Variants in ADARB2 observed in about 807,000 individuals in gnomAD.
ADARB2 encodes the protein adenosine deaminase RNA specific B2 (inactive), also known as inactive double-stranded RNA-specific editase B2.
In ADARB2, 25 loss-of-function variants were observed where a neutral mutation model predicts 62.2. The ratio of observed to expected loss-of-function variants is 0.40; its 90% CI spans 0.29 to 0.56. ADARB2 has a LOEUF of 0.56. Among genes scored for constraint, ADARB2 ranks in the 20% least tolerant of loss-of-function variants. The pLI is 0.43. For missense variants in ADARB2, 1,071 were observed against 1,077.4 expected, an observed-to-expected ratio of 0.99 and a Z score of 0.08; for synonymous variants, 572 against 500.8, an observed-to-expected ratio of 1.14 and a Z score of -1.90.
At chr10:1,695,726 G>C (rs1026354310) in intron 1 of ADARB2, among the ~76,000 whole-genome samples, 2 of 152,168 alleles carry the variant, frequency 1.3e-5, no homozygotes, top group African/African-American at 2.4e-5. Flanking sequence ...ATGTATGTGA[G>C]ACCATGCATG....
At position 1,284,514 on chromosome 10, in the gene ADARB2, C is replaced by T. The variant is rs954545160; in HGVS notation, c.1078-13445G>A. 5.9e-5 allele frequency among the ~76,000 whole-genome samples: 9 copies of T among 152,332 alleles called. No homozygotes were observed. The South Asian group carries it at 8.3e-4, about 14-fold the overall frequency. ...ACAGCACGGGTAGCACCCTGCGAGG[C>T]TCTCGATTGAGATCCCTGCTGGGAA... On this transcript the variant is annotated intron_variant, in intron 3 of 9. Transcript: ENST00000381312.
chr10:1,393,784 G>A (rs1832589609), intron 1 of ADARB2, among the ~76,000 whole-genome samples: 1 of 152,170 alleles, frequency 6.6e-6, no homozygotes, highest in African/African-American at 2.4e-5. Context: ...ACAGATACAG[G>A]TGGTCCTTCA....
intron 1 of ADARB2, among the ~76,000 whole-genome samples, chr10:1,606,074 A>C (rs1441554700): frequency 1.3e-5 from 2 of 152,170 alleles, no homozygotes; most frequent in Admixed American, 6.5e-5. Context: ...TTCACGTGAA[A>C]ATTACACGCA....
chr10:1,613,864 GAAATT>G (rs1389706983), intron 1 of ADARB2, among the ~76,000 whole-genome samples: 8 of 152,204 alleles, frequency 5.3e-5, no homozygotes, highest in Non-Finnish European at 1.0e-4. Context: ...GAAGCACGGG[GAAATT>G]CAAGGAGTTT....
At chr10:1,612,948 G>A (rs1026583034) in intron 1 of ADARB2, among the ~76,000 whole-genome samples, 1 of 152,226 alleles carries the variant, frequency 6.6e-6, no homozygotes, top group Non-Finnish European at 1.5e-5. Context: ...TTAAATTATA[G>A]TGTCTGAAGT....
chr10:1,260,079 G>A (rs1219478764), intron 4 of ADARB2, among the ~76,000 whole-genome samples: 2 of 151,024 alleles, frequency 1.3e-5, no homozygotes, highest in Non-Finnish European at 2.9e-5. Flanking sequence ...ATGCAGAAAA[G>A]GCCTTTGACA....
intron 1 of ADARB2, among the ~76,000 whole-genome samples, chr10:1,698,980 CA>C (rs1241227751): frequency 6.6e-6 from 1 of 152,212 alleles, no homozygotes; most frequent in African/African-American, 2.4e-5. Flanking sequence ...AGGCTGGTCT[CA>C]AGCTCCTGAC....
chr10:1,616,920 CGT>C (rs1833643615), intron 1 of ADARB2, among the ~76,000 whole-genome samples: 1 of 81,974 alleles, frequency 1.2e-5, no homozygotes, highest in Non-Finnish European at 2.7e-5. Flanking sequence ...TTTGTGTGCC[CGT>C]CCAGACACAC....
rs1419242670 is a variant in ADARB2 at position 1,698,437 on chromosome 10, T to TAA, written c.100+38613_100+38614insTT. Among the ~76,000 whole-genome samples the TAA allele has an allele frequency of 2.0e-5, 3 of 152,296 alleles. No individual in the cohort carries two copies. The East Asian group carries it at 5.8e-4, about 29-fold the overall frequency. ...ATGCACAGAGCATGGGGGAGAGACA[T>TAA]ACGCTTCCTCTTCCTGCCTTCCAGA... On this transcript the variant is annotated intron_variant, in intron 1 of 9. Coordinates refer to ENST00000381312, the MANE Select transcript of ADARB2 (RefSeq NM_018702.4).
intron 1 of ADARB2, among the ~76,000 whole-genome samples, chr10:1,671,261 C>A (rs1478125263): frequency 6.6e-6 from 1 of 152,170 alleles, no homozygotes. Context: ...GGTCTGTGCT[C>A]CGCTCCTCTT....
At chr10:1,380,066 A>T (rs1832469102) in intron 1 of ADARB2, among the ~76,000 whole-genome samples, 1 of 152,222 alleles carries the variant, frequency 6.6e-6, no homozygotes, top group Non-Finnish European at 1.5e-5. Context: ...AAGCCACCGC[A>T]CTTGGGAGTA....
chr10:1,270,027 C>T (rs1221044189), intron 4 of ADARB2, among the ~76,000 whole-genome samples: 1 of 152,174 alleles, frequency 6.6e-6, no homozygotes, highest in African/African-American at 2.4e-5. Flanking sequence ...TACCCAGCTA[C>T]ATTGTAAGAA....
chr10:1,494,023 G>T (rs945064819), intron 1 of ADARB2, among the ~76,000 whole-genome samples: 3 of 151,722 alleles, frequency 2.0e-5, no homozygotes, highest in Admixed American at 1.3e-4. Context: ...CAAAGTGCTG[G>T]GATTACATGT....
At chr10:1,582,935 G>C (rs1305607968) in intron 1 of ADARB2, among the ~76,000 whole-genome samples, 1 of 152,344 alleles carries the variant, frequency 6.6e-6, no homozygotes, top group African/African-American at 2.4e-5. Flanking sequence ...CTACAGAGCA[G>C]TCATGGGCCT....
intron 3 of ADARB2, among the ~76,000 whole-genome samples, chr10:1,336,190 G>C (rs1015886045): frequency 2.4e-4 from 36 of 152,286 alleles, no homozygotes; most frequent in African/African-American, 8.7e-4. Context: ...CAAACAATGG[G>C]ATCCTGTAAC....
chr10:1,660,955 G>C (rs1461713448), intron 1 of ADARB2, among the ~76,000 whole-genome samples: 1 of 152,042 alleles, frequency 6.6e-6, no homozygotes, highest in Non-Finnish European at 1.5e-5. Context: ...TTCCAACCCT[G>C]AGATAAACCC....
At chr10:1,232,089 C>T (rs781622752) in intron 6 of ADARB2, among the ~76,000 whole-genome samples, 3 of 152,140 alleles carry the variant, frequency 2.0e-5, no homozygotes, top group Non-Finnish European at 2.9e-5. Flanking sequence ...TGTATGTCTG[C>T]CAGAGATTTC....
chr10:1,559,121 C>A (rs10903486), intron 1 of ADARB2, among the ~76,000 whole-genome samples: 35,488 of 152,110 alleles, frequency 0.23, 4,355 homozygotes, highest in African/African-American at 0.26. Flanking sequence ...AGCTGCAGGG[C>A]CTGTCAAATC....
chr10:1,583,074 C>A (rs914973904), intron 1 of ADARB2, among the ~76,000 whole-genome samples: 6 of 152,202 alleles, frequency 3.9e-5, no homozygotes, highest in African/African-American at 1.4e-4. Flanking sequence ...CATCTATCAT[C>A]ACAAAGTAAT....
Sources: gnomAD v4.1 joint callset for allele counts (sites outside exome capture counted in the v4.1 genomes callset) on GRCh38, gnomAD v4.1.1 for gene constraint, MANE v1.5 for transcripts, NCBI Gene and HGNC (gene_info 2026-07-23, HGNC 2026-07-21) for gene names.